The following MAP4K4 variants were observed in gnomAD, a reference collection of about 807,000 sequenced individuals.
MAP4K4 encodes mitogen-activated protein kinase kinase kinase kinase 4, also known as HPK/GCK-like kinase HGK.
In MAP4K4, 38 loss-of-function variants were observed where a neutral mutation model predicts 189.6. The observed-to-expected ratio is 0.20, with a 90% CI of 0.15 to 0.26. The LOEUF is 0.26. Ranked by LOEUF, MAP4K4 falls within the 10% of genes least tolerant of loss-of-function variation. The pLI is 1.00. For synonymous variants in MAP4K4, 610 were observed against 624.3 expected (o/e 0.98, Z 0.34); for missense variants, 1,054 against 1,726.9 (o/e 0.61, Z 6.91).
intron 32 of MAP4K4, among the ~76,000 whole-genome samples, chr2:101,890,378 A>G (rs996013324): frequency 6.6e-6 from 1 of 152,224 alleles, no homozygotes; most frequent in African/African-American, 2.4e-5. Flanking sequence ...CTGAGTTGTA[A>G]TAAAAATTGG....
exon 1 of MAP4K4, chr2:101,698,021 A>G (rs1169389578): frequency 1.7e-6 from 2 of 1,177,284 alleles, no homozygotes; most frequent in African/African-American, 1.6e-5. Context: ...TCTGCGGCTG[A>G]GATACACAGA....
At chr2:101,813,956 G>A (rs1361808502) in intron 3 of MAP4K4, among the ~76,000 whole-genome samples, 1 of 152,180 alleles carries the variant, frequency 6.6e-6, no homozygotes, top group Non-Finnish European at 1.5e-5. Flanking sequence ...TAGATGGTTT[G>A]ATATCTTTCT....
Position 101,860,603 on chromosome 2 carries a change from G to A in MAP4K4, c.1705-222G>A, listed in dbSNP as rs550502577. ...TTCTGAGCAAGGAGGAGAGCTTAGA[G>A]ACTGCCTTGCTAATTTTTATCTTCA... On this transcript the variant is annotated intron_variant, in intron 15 of 32. Coordinates refer to ENST00000324219, the Ensembl canonical transcript of MAP4K4. The A allele has an allele frequency of 4.5e-5, 21 of 467,378 alleles. No homozygotes were observed. In the Admixed American group the frequency reaches 5.7e-4, roughly 13 times the overall value. The allele number at this position is 467,378 out of a possible 1,614,324, so 29.0% of individuals were successfully genotyped here.
At chr2:101,856,732 G>A (rs567396716) in intron 13 of MAP4K4, among the ~76,000 whole-genome samples, 7 of 152,196 alleles carry the variant, frequency 4.6e-5, no homozygotes, top group African/African-American at 1.7e-4. Context: ...TGAACCACCT[G>A]TACAAATACA....
At chr2:101,789,690 T>C (rs894181217) in intron 2 of MAP4K4, among the ~76,000 whole-genome samples, 2 of 152,304 alleles carry the variant, frequency 1.3e-5, no homozygotes, top group African/African-American at 2.4e-5. Context: ...TCTTTCTGTT[T>C]TACATCTGTT....
chr2:101,867,325 G>A lies in MAP4K4; in HGVS notation c.2454+16G>A, dbSNP rs753047914. ...CAAGCCTGCTGTAAGGATTGTGCAGGATCAGTTTTACTTATTTCAGACTTG... is the reference window on the plus strand; with the variant it reads ...CAAGCCTGCTGTAAGGATTGTGCAGAATCAGTTTTACTTATTTCAGACTTG... On this transcript the variant is annotated intron_variant, in intron 20 of 32. Coordinates refer to ENST00000324219, the Ensembl canonical transcript of MAP4K4. 6 of 1,579,358 alleles carry A rather than the reference G, an allele frequency of 3.8e-6. No individual in the cohort carries two copies. In the East Asian group the frequency reaches 1.4e-4, roughly 36 times the overall value.
At chr2:101,782,539 T>G (rs2088180766) in intron 2 of MAP4K4, among the ~76,000 whole-genome samples, 1 of 152,148 alleles carries the variant, frequency 6.6e-6, no homozygotes, top group Admixed American at 6.5e-5. Flanking sequence ...AAGGGAGAAG[T>G]AGATAAGAAA....
rs2093167541 is a variant in MAP4K4, at chr2:101,792,913, T to A, written c.180+2137T>A. ...CCTCCCAAAGTGCTGGGATTACAGG[T>A]GTGAGCCACCGCGTCTGGCCCTCTG... is the stretch of plus-strand genomic sequence containing the variant. On this transcript the variant is annotated intron_variant, in intron 3 of 32. Coordinates refer to ENST00000324219, the Ensembl canonical transcript of MAP4K4. Among the ~76,000 whole-genome samples the A allele has an allele frequency of 2.0e-5, 3 of 152,170 alleles. No homozygotes were observed. In the South Asian group the frequency reaches 6.2e-4, roughly 31 times the overall value.
At chr2:101,857,525 AAAAG>A (rs2097512704) in intron 13 of MAP4K4, among the ~76,000 whole-genome samples, 1 of 152,328 alleles carries the variant, frequency 6.6e-6, no homozygotes, top group East Asian at 1.9e-4. Flanking sequence ...TTTTGTTCAA[AAAAG>A]AAAATGAGTT....
intron 2 of MAP4K4, among the ~76,000 whole-genome samples, chr2:101,785,735 T>C (rs1329568326): frequency 4.8e-3 from 30 of 6,312 alleles, no homozygotes; most frequent in South Asian, 9.1e-3. Flanking sequence ...TCTCTCTCTC[T>C]CTCTCTCTCT....
intron 28 of MAP4K4, 67 bp downstream of exon 28, chr2:101,882,752 AAT>A: frequency 7.0e-7 from 1 of 1,421,014 alleles, no homozygotes; most frequent in Non-Finnish European, 9.4e-7. Flanking sequence ...TTAAACTTTA[AAT>A]TTTCACAGGT....
exon 33 of MAP4K4, chr2:101,893,244 G>C (rs1053653599): frequency 2.2e-6 from 1 of 456,416 alleles, no homozygotes. Flanking sequence ...TGGTGGTTTT[G>C]TGTATACCTG....
intron 28 of MAP4K4, among the ~76,000 whole-genome samples, chr2:101,883,394 C>T (rs139277841): frequency 8.6e-4 from 131 of 152,074 alleles, no homozygotes; most frequent in African/African-American, 2.9e-3. Context: ...CGCAATGGTG[C>T]GATCTCAGCT....
At chr2:101,830,948 A>T (rs1395175321) in intron 6 of MAP4K4, among the ~76,000 whole-genome samples, 1 of 152,148 alleles carries the variant, frequency 6.6e-6, no homozygotes, top group Non-Finnish European at 1.5e-5. Context: ...TCTGTGCATG[A>T]ATCTATGATC....
chr2:101,749,990 C>T (rs1344205382), intron 2 of MAP4K4, among the ~76,000 whole-genome samples: 7 of 143,258 alleles, frequency 4.9e-5, no homozygotes, highest in Admixed American at 4.8e-4. Context: ...GAATGGCAAT[C>T]ATTAAAAAGT....
At chr2:101,712,928 A>T (rs1399717857) in intron 2 of MAP4K4, among the ~76,000 whole-genome samples, 3 of 140,690 alleles carry the variant, frequency 2.1e-5, no homozygotes, top group Non-Finnish European at 4.6e-5. Flanking sequence ...TTTGAGACAG[A>T]GTCTCACTCT....
rs565239203 is a variant in MAP4K4 at position 101,706,773 on chromosome 2, A to G, written c.123+8235A>G. Among the ~76,000 whole-genome samples the G allele has an allele frequency of 3.0e-3, 452 of 152,268 alleles. 4 individuals carry two copies. Among genetic ancestry groups the G allele is most frequent in the Middle Eastern group, 0.014 (4 of 294 alleles). On this transcript the variant is annotated intron_variant, in intron 2 of 32. Coordinates refer to ENST00000324219, the Ensembl canonical transcript of MAP4K4. ...ATACTGCAGTCTTCCTTTTTGGTTT[A>G]CTATCTTACTTTCCTGAAGCACATC...
At chr2:101,742,567 G>C (rs1316790779) in intron 2 of MAP4K4, among the ~76,000 whole-genome samples, 1 of 152,024 alleles carries the variant, frequency 6.6e-6, no homozygotes, top group East Asian at 1.9e-4. Context: ...GTTAACTTCG[G>C]CTTGAGTAAA....
intron 2 of MAP4K4, among the ~76,000 whole-genome samples, chr2:101,759,824 T>G (rs1338434725): frequency 8.1e-6 from 1 of 123,738 alleles, no homozygotes; most frequent in Admixed American, 8.6e-5. Flanking sequence ...CCCATCCCCC[T>G]TCCCTTCCCT....
Sources: allele counts gnomAD v4.1 joint callset (sites outside exome capture counted in the v4.1 genomes callset), GRCh38; gene constraint gnomAD v4.1.1; transcripts MANE v1.5; gene names NCBI Gene and HGNC (gene_info 2026-07-23, HGNC 2026-07-21).